Variants in ZNF475 observed in about 807,000 individuals in gnomAD.
ZNF475 encodes the protein zinc finger protein 475.
chr5:122,168,766 G>T, the ZNF475 span, among the ~76,000 whole-genome samples: 1 of 152,190 alleles, frequency 6.6e-6, no homozygotes, highest in Admixed American at 6.5e-5. Context: ...ATCTGATTGT[G>T]TCTCAAAGAT....
At chr5:122,178,065 G>A in the ZNF475 span, among the ~76,000 whole-genome samples, 1 of 152,116 alleles carries the variant, frequency 6.6e-6, no homozygotes, top group Non-Finnish European at 1.5e-5. Flanking sequence ...CCCTGCAAAG[G>A]ACATGAACTC....
At chr5:122,178,447 T>A in the ZNF475 span, among the ~76,000 whole-genome samples, 1 of 152,262 alleles carries the variant, frequency 6.6e-6, no homozygotes, top group African/African-American at 2.4e-5. Flanking sequence ...CTAACTGGCA[T>A]GAGCTAGTAT....
the ZNF475 span, among the ~76,000 whole-genome samples, chr5:122,174,836 C>T: frequency 2.0e-5 from 3 of 152,240 alleles, no homozygotes; most frequent in South Asian, 4.1e-4. Context: ...AATAACTTCT[C>T]ATTTTAAACT....
chr5:122,160,651 A>G, the ZNF475 span, among the ~76,000 whole-genome samples: 2 of 152,230 alleles, frequency 1.3e-5, no homozygotes, highest in Non-Finnish European at 2.9e-5. Context: ...AAAGAAAAAT[A>G]CTGACTGTAA....
At chr5:122,168,962 C>G in the ZNF475 span, among the ~76,000 whole-genome samples, 1 of 152,164 alleles carries the variant, frequency 6.6e-6, no homozygotes, top group African/African-American at 2.4e-5. Context: ...GGGATCTGGA[C>G]CAAGGTGGAA....
At chr5:122,160,262 G>T in the ZNF475 span, 1 of 1,289,732 alleles carries the variant, frequency 7.8e-7, no homozygotes, top group Non-Finnish European at 1.0e-6. Flanking sequence ...ACAACACTAA[G>T]GTAACAGGAC....
the ZNF475 span, among the ~76,000 whole-genome samples, chr5:122,175,101 T>A: frequency 6.6e-6 from 1 of 152,174 alleles, no homozygotes; most frequent in Non-Finnish European, 1.5e-5. Context: ...TATAAAATAA[T>A]AGAAAAAAAT....
chr5:122,161,771 G>A, the ZNF475 span, among the ~76,000 whole-genome samples: 4 of 152,066 alleles, frequency 2.6e-5, no homozygotes, highest in African/African-American at 9.6e-5. Flanking sequence ...GAAGCCAACT[G>A]GCATAAAAGT....
chr5:122,170,266 C>G, the ZNF475 span, among the ~76,000 whole-genome samples: 1 of 152,120 alleles, frequency 6.6e-6, no homozygotes, highest in Non-Finnish European at 1.5e-5. Context: ...AGAGTTAGTG[C>G]AGACCTCAAA....
At chr5:122,168,410 G>A in the ZNF475 span, among the ~76,000 whole-genome samples, 8,852 of 152,158 alleles carry the variant, frequency 0.058, 518 homozygotes, top group African/African-American at 0.14. Flanking sequence ...CTCCAATATG[G>A]GATAACCAAG....
At chr5:122,180,758 G>C in the ZNF475 span, among the ~76,000 whole-genome samples, 1 of 152,084 alleles carries the variant, frequency 6.6e-6, no homozygotes, top group Non-Finnish European at 1.5e-5. Flanking sequence ...GACACAAGGA[G>C]AGTTTTATAA....
the ZNF475 span, chr5:122,179,793 A>G: frequency 8.5e-7 from 1 of 1,174,596 alleles, no homozygotes; most frequent in Admixed American, 3.5e-5. Context: ...AACTAATAAG[A>G]GCAGAAGTAT....
chr5:122,163,175 C>T, the ZNF475 span: 14 of 152,202 alleles, frequency 9.2e-5, no homozygotes, highest in African/African-American at 2.9e-4. Context: ...CACAGGAGAC[C>T]CAACTCTCTG....
chr5:122,165,903 G>A, the ZNF475 span, among the ~76,000 whole-genome samples: 1 of 152,102 alleles, frequency 6.6e-6, no homozygotes, highest in African/African-American at 2.4e-5. Context: ...ATTTTGATGT[G>A]GCTCTTTGGC....
At chr5:122,165,040 C>A in the ZNF475 span, among the ~76,000 whole-genome samples, 1 of 152,202 alleles carries the variant, frequency 6.6e-6, no homozygotes, top group Non-Finnish European at 1.5e-5. Context: ...ACTGTTAGGG[C>A]AAGTTCTCAG....
the ZNF475 span, among the ~76,000 whole-genome samples, chr5:122,173,324 C>T: frequency 2.6e-5 from 4 of 152,162 alleles, no homozygotes; most frequent in Admixed American, 2.6e-4. Flanking sequence ...ATTCTAGTCT[C>T]GGTTTTCTGA....
the ZNF475 span, among the ~76,000 whole-genome samples, chr5:122,169,586 T>C: frequency 6.6e-6 from 1 of 152,096 alleles, no homozygotes; most frequent in Non-Finnish European, 1.5e-5. Context: ...ATATGAAGTG[T>C]TGGACTTTAG....
chr5:122,166,091 C>A, the ZNF475 span, among the ~76,000 whole-genome samples: 1 of 152,196 alleles, frequency 6.6e-6, no homozygotes, highest in Non-Finnish European at 1.5e-5. Flanking sequence ...TCTCAGCTCT[C>A]TCTTTTTGAG....
At chr5:122,171,164 T>C in the ZNF475 span, among the ~76,000 whole-genome samples, 4 of 152,102 alleles carry the variant, frequency 2.6e-5, no homozygotes, top group South Asian at 4.1e-4. Flanking sequence ...TTATGAGTTA[T>C]TTAAGGAATT....
Sources: allele counts gnomAD v4.1 joint callset (sites outside exome capture counted in the v4.1 genomes callset), GRCh38; gene constraint gnomAD v4.1.1; transcripts MANE v1.5; gene names NCBI Gene and HGNC (gene_info 2026-07-23, HGNC 2026-07-21).